EEFSEC: variants seen among roughly 807,000 people sequenced by gnomAD.
The protein encoded by EEFSEC is selenocysteine-specific elongation factor.
EEFSEC carries 43 observed loss-of-function variants against 42.1 expected under a neutral mutation model. The observed-to-expected ratio is 1.02, with a 90% CI of 0.80 to 1.32. The LOEUF (loss-of-function observed/expected upper bound fraction) is 1.32. Among genes scored for constraint, EEFSEC ranks in the 40% most tolerant of loss-of-function variants. EEFSEC has a pLI of 0.00. For missense variants in EEFSEC, 745 were observed against 803.6 expected (o/e 0.93, Z 0.88); for synonymous variants, 354 against 339.1 (o/e 1.04, Z -0.48).
chr3:128,362,246 G>A (rs369851594), intron 6 of EEFSEC: 19 of 521,138 alleles, frequency 3.6e-5, no homozygotes, highest in Middle Eastern at 3.5e-4. Context: ...CTGGATGGCG[G>A]GTGGGACAAC....
intron 1 of EEFSEC, among the ~76,000 whole-genome samples, chr3:128,163,013 G>C (rs2065206260): frequency 6.6e-6 from 1 of 152,156 alleles, no homozygotes; most frequent in Admixed American, 6.5e-5. Context: ...AGGCATCCCA[G>C]GAAACAACCC....
intron 4 of EEFSEC, among the ~76,000 whole-genome samples, chr3:128,267,668 A>G (rs2066368903): frequency 6.6e-6 from 1 of 152,234 alleles, no homozygotes. Flanking sequence ...AAGGATGTTA[A>G]GATTAGGAAA....
At chr3:128,180,500 G>A (rs1417580399) in intron 1 of EEFSEC, among the ~76,000 whole-genome samples, 1 of 152,248 alleles carries the variant, frequency 6.6e-6, no homozygotes, top group Non-Finnish European at 1.5e-5. Flanking sequence ...GGGAGAAGAG[G>A]TTACTTAACA....
intron 5 of EEFSEC, 132 bp downstream of exon 5, chr3:128,342,021 G>C: frequency 7.8e-7 from 1 of 1,275,564 alleles, no homozygotes; most frequent in Non-Finnish European, 1.1e-6. Flanking sequence ...TGTAGTTTCT[G>C]TACAAGGCAT....
chr3:128,222,022 A>C (rs2065864662), intron 1 of EEFSEC, among the ~76,000 whole-genome samples: 1 of 147,674 alleles, frequency 6.8e-6, no homozygotes, highest in Non-Finnish European at 1.5e-5. Flanking sequence ...GTGTTTTTTC[A>C]AAGTTTTTTT....
rs189818106 is a variant in EEFSEC, at chr3:128,157,203, A to G, written c.316+3380A>G. Among the ~76,000 whole-genome samples, 218 of 152,344 alleles carry G rather than the reference A, an allele frequency of 1.4e-3. 3 individuals are homozygous for G. Among genetic ancestry groups the G allele is most frequent in the Admixed American group, 3.5e-3 (54 of 15,290 alleles). On this transcript the variant is annotated intron_variant, in intron 1 of 6. Transcript: ENST00000254730. ...AGCAAGGCCCTAACTCTTCAATTCTATGAAGGCTGAGAGAGGTAAGGAAGC... is the reference window on the plus strand; with the variant it reads ...AGCAAGGCCCTAACTCTTCAATTCTGTGAAGGCTGAGAGAGGTAAGGAAGC...
At chr3:128,341,073 G>T (rs2067244491) in intron 4 of EEFSEC, among the ~76,000 whole-genome samples, 160 bp from the exon 5 acceptor site, 1 of 152,160 alleles carries the variant, frequency 6.6e-6, no homozygotes, top group East Asian at 1.9e-4. Context: ...ACCTGCTCTG[G>T]TCCAGAAGAG....
At chr3:128,397,198 T>G (rs759541629) in intron 6 of EEFSEC, among the ~76,000 whole-genome samples, 6 of 152,170 alleles carry the variant, frequency 3.9e-5, no homozygotes, top group Non-Finnish European at 8.8e-5. Flanking sequence ...CCTCCCTCCT[T>G]CCACAGGAGA....
chr3:128,160,181 C>T (rs1249356365), intron 1 of EEFSEC, among the ~76,000 whole-genome samples: 1 of 152,236 alleles, frequency 6.6e-6, no homozygotes, highest in East Asian at 1.9e-4. Flanking sequence ...GTTCTTTGTC[C>T]TCCCCTTTAG....
chr3:128,421,285 C>G, the EEFSEC span, among the ~76,000 whole-genome samples: 1 of 152,242 alleles, frequency 6.6e-6, no homozygotes, highest in Non-Finnish European at 1.5e-5. Context: ...AGCAGAGGCT[C>G]TGCCTCTCCA....
In EEFSEC at chr3:128,269,606, T is replaced by C. The variant is rs550982362; in HGVS notation, c.786+4825T>C. 9.1e-4 allele frequency among the ~76,000 whole-genome samples: 138 copies of C among 152,228 alleles called. 1 individual carries two copies. Among genetic ancestry groups the C allele is most frequent in the Non-Finnish European group, 1.7e-3 (119 of 68,010 alleles). On this transcript the variant is annotated intron_variant, in intron 4 of 6. Transcript: ENST00000254730. ...GGGCACAGCCATTCCAAATAAACAG[T>C]CACATTCCCCTCCCAGTCTGGGCTG...
intron 4 of EEFSEC, among the ~76,000 whole-genome samples, chr3:128,290,770 G>C (rs1288477366): frequency 6.6e-6 from 1 of 151,942 alleles, no homozygotes; most frequent in Non-Finnish European, 1.5e-5. Flanking sequence ...TTTTTTGACA[G>C]AGTTGCACTC....
At chr3:128,361,479 G>A (rs1457307840) in intron 6 of EEFSEC, among the ~76,000 whole-genome samples, 3 of 152,210 alleles carry the variant, frequency 2.0e-5, no homozygotes, top group African/African-American at 7.2e-5. Context: ...CTAGCAACTC[G>A]TAACTCCTGT....
intron 1 of EEFSEC, among the ~76,000 whole-genome samples, chr3:128,214,917 G>A (rs536876514): frequency 3.3e-5 from 5 of 152,362 alleles, no homozygotes; most frequent in African/African-American, 1.2e-4. Flanking sequence ...TCCTGAGGAG[G>A]AGGAGGTAAC....
At chr3:128,356,147 T>C (rs1207282700) in intron 5 of EEFSEC, among the ~76,000 whole-genome samples, 5 of 152,366 alleles carry the variant, frequency 3.3e-5, no homozygotes, top group African/African-American at 7.2e-5. Flanking sequence ...TAGGCTCTTA[T>C]AGGAATAAAA....
chr3:128,403,720 C>T (rs948434252), intron 6 of EEFSEC, among the ~76,000 whole-genome samples: 2 of 152,128 alleles, frequency 1.3e-5, no homozygotes, highest in Non-Finnish European at 2.9e-5. Flanking sequence ...CACTCAAATT[C>T]CCTTTGCCTG....
At chr3:128,304,572 T>C (rs1438331403) in intron 4 of EEFSEC, among the ~76,000 whole-genome samples, 1 of 152,202 alleles carries the variant, frequency 6.6e-6, no homozygotes, top group African/African-American at 2.4e-5. Context: ...AATTATATCA[T>C]TGGCAAACAG....
At chr3:128,365,100 T>A (rs2067573967) in intron 6 of EEFSEC, among the ~76,000 whole-genome samples, 1 of 152,222 alleles carries the variant, frequency 6.6e-6, no homozygotes, top group Non-Finnish European at 1.5e-5. Context: ...ATCAGGTGTC[T>A]CAGGGCTCAG....
At chr3:128,424,921 C>T in the EEFSEC span, among the ~76,000 whole-genome samples, 2 of 151,944 alleles carry the variant, frequency 1.3e-5, no homozygotes, top group Non-Finnish European at 2.9e-5. Flanking sequence ...GAGACTGCGG[C>T]GGAAGTGGTC....
Sources: allele counts gnomAD v4.1 joint callset (sites outside exome capture counted in the v4.1 genomes callset), GRCh38; gene constraint gnomAD v4.1.1; transcripts MANE v1.5; gene names NCBI Gene and HGNC (gene_info 2026-07-23, HGNC 2026-07-21).